The following TF variants were observed in gnomAD, a reference collection of about 807,000 sequenced individuals.
The protein encoded by TF is transferrin, also known as serotransferrin.
TF carries 55 observed loss-of-function variants against 82.4 expected under a neutral mutation model. The observed-to-expected ratio is 0.67, with a 90% CI of 0.54 to 0.84. The LOEUF (loss-of-function observed/expected upper bound fraction) is 0.84. Among genes scored for constraint, TF ranks in the 40% least tolerant of loss-of-function variants. The probability of loss-of-function intolerance (pLI) is 0.00; values close to 1 mark genes in which losing one functional copy is unlikely to be tolerated. For synonymous variants in TF, 332 were observed against 332.6 expected (o/e 1.00, Z 0.02); for missense variants, 737 against 868.4 (o/e 0.85, Z 1.90).
At chr3:133,751,271 C>T (rs1444896849) in intron 2 of TF, among the ~76,000 whole-genome samples, 3 of 137,264 alleles carry the variant, frequency 2.2e-5, no homozygotes, top group Admixed American at 8.0e-5. Flanking sequence ...TTCGCTCTGT[C>T]GCCCAGGCTG....
At position 133,793,164 on chromosome 3, in the gene TF, C is replaced by G. The variant is rs1934886566; in HGVS notation, c.*14544C>G. 6.6e-6 allele frequency: 1 copy of G among 151,824 alleles called. No homozygotes were observed. The highest frequency in any genetic ancestry group is 2.4e-5 in the African/African-American group (1 of 41,338). 9.4% of individuals were successfully genotyped at this position (151,824 alleles called of 1,614,324 possible). Reference sequence around the variant, plus strand: ...GTTTGCCTTTTGAATAAACTACCCCCCCACCAAAAAAAAGGAAGGGAAAGA... The same window carrying G: ...GTTTGCCTTTTGAATAAACTACCCCGCCACCAAAAAAAAGGAAGGGAAAGA... On this transcript the variant is annotated 3_prime_UTR_variant, in exon 17 of 17. Coordinates refer to ENST00000402696, the MANE Select transcript of TF (RefSeq NM_001063.4).
chr3:133,706,554 C>T, the TF span, among the ~76,000 whole-genome samples: 5 of 152,126 alleles, frequency 3.3e-5, no homozygotes, highest in East Asian at 9.6e-4. Flanking sequence ...AGATCTGAGT[C>T]AGAAGCTCTG....
chr3:133,754,530 A>G lies in TF; in HGVS notation c.361A>G (p.Lys121Glu), dbSNP rs1249851402. The stretch of plus-strand genomic sequence containing the variant: ...TTTCTATTATGCTGTTGCTGTGGTG[A>G]AGAAGGATAGTGGCTTCCAGATGAA... ...QTFYYAVAVVKKDSGFQMNQL... is the reference protein window; with the variant it reads ...QTFYYAVAVVEKDSGFQMNQL... Residue 121 changes from lysine to glutamate, a missense_variant, in exon 4 of 17, where the codon AAG (lysine) becomes GAG (glutamate). Physicochemically the swap from Lys to Glu is moderately conservative, Grantham distance 56. Coordinates refer to ENST00000402696, the MANE Select transcript of TF (RefSeq NM_001063.4). 2 of 1,614,218 alleles carry G rather than the reference A, an allele frequency of 1.2e-6. No individual in the cohort carries two copies. The highest frequency in any genetic ancestry group is 8.5e-7 in the Non-Finnish European group (1 of 1,180,044).
At chr3:133,671,526 G>A in the TF span, among the ~76,000 whole-genome samples, 1 of 152,034 alleles carries the variant, frequency 6.6e-6, no homozygotes, top group Admixed American at 6.6e-5. Context: ...GCTCACAGCT[G>A]TAATCTCAGC....
At chr3:133,725,888 T>G in the TF span, among the ~76,000 whole-genome samples, 3 of 152,198 alleles carry the variant, frequency 2.0e-5, no homozygotes, top group East Asian at 1.9e-4. Flanking sequence ...TTTTGTCAAA[T>G]GCCTTTTCTA....
At chr3:133,755,059 T>A (rs1221251392) in intron 4 of TF, among the ~76,000 whole-genome samples, 1 of 152,220 alleles carries the variant, frequency 6.6e-6, no homozygotes, top group Admixed American at 6.5e-5. Flanking sequence ...AGAGGGGACC[T>A]CTCTCTGAGC....
the TF span, among the ~76,000 whole-genome samples, chr3:133,697,005 TGAG>T: frequency 6.6e-6 from 1 of 152,350 alleles, no homozygotes; most frequent in South Asian, 2.1e-4. Context: ...GTCTGCTACT[TGAG>T]GAGAATTTTA....
chr3:133,688,621 A>ACAAGG, the TF span, among the ~76,000 whole-genome samples: 1 of 152,210 alleles, frequency 6.6e-6, no homozygotes, highest in Non-Finnish European at 1.5e-5. Flanking sequence ...ATCTCAGTAA[A>ACAAGG]ATACCTATGT....
At chr3:133,750,979 GT>G (rs1933647355) in intron 2 of TF, among the ~76,000 whole-genome samples, 1 of 152,058 alleles carries the variant, frequency 6.6e-6, no homozygotes, top group African/African-American at 2.4e-5. Flanking sequence ...ATAAGGTCTA[GT>G]TGTTGTGGAA....
At chr3:133,776,440 T>TA (rs1229025387) in intron 15 of TF, among the ~76,000 whole-genome samples, 17 of 151,960 alleles carry the variant, frequency 1.1e-4, no homozygotes, top group Admixed American at 2.0e-4. Flanking sequence ...TACCTTTTTT[T>TA]AAAAAAAATA....
rs1487073939 is a variant in TF, at chr3:133,795,574, T to TTA, written c.*16955_*16956insAT. On this transcript the variant is annotated 3_prime_UTR_variant, in exon 17 of 17. Coordinates refer to ENST00000402696, the MANE Select transcript of TF (RefSeq NM_001063.4). ...GAACCTGACCAAAAAAGTGGAATTT[T>TTA]TTTTTTTTTTTTTTTTTTTGAGATG... 1 of 143,156 alleles carries TTA rather than the reference T, an allele frequency of 7.0e-6. No homozygotes were observed. Among genetic ancestry groups the TTA allele is most frequent in the East Asian group, 2.0e-4 (1 of 4,940 alleles). 8.9% of individuals were successfully genotyped at this position (143,156 alleles called of 1,614,324 possible). A position where few individuals can be genotyped will look rare whatever the true frequency, so the allele number is the denominator to read the frequency against.
rs992938237 is a variant in TF at position 133,765,025 on chromosome 3, G to A, written c.1330+118G>A. On this transcript the variant is annotated intron_variant, in intron 11 of 16. Coordinates refer to ENST00000402696, the MANE Select transcript of TF (RefSeq NM_001063.4). ...TGTAAGAGACCAATTTTCACAATGC[G>A]AGAGAATCATGGAAGGATAGTAATG... 9 of 985,342 alleles carry A rather than the reference G, an allele frequency of 9.1e-6. No individual in the cohort carries two copies. The East Asian group carries it at 1.4e-4, about 16-fold the overall frequency. 61.0% of individuals were successfully genotyped at this position (985,342 alleles called of 1,614,324 possible).
chr3:133,693,309 G>A, the TF span, among the ~76,000 whole-genome samples: 2 of 152,042 alleles, frequency 1.3e-5, no homozygotes, highest in Admixed American at 1.3e-4. Context: ...GAGGGCTTGG[G>A]ACATGGGCAA....
chr3:133,662,880 G>C, the TF span, among the ~76,000 whole-genome samples: 2 of 152,076 alleles, frequency 1.3e-5, no homozygotes, highest in African/African-American at 2.4e-5. Context: ...GATTGTTTTT[G>C]TTTTTCTTTT....
chr3:133,702,242 G>A, the TF span, among the ~76,000 whole-genome samples: 2 of 144,408 alleles, frequency 1.4e-5, no homozygotes, highest in South Asian at 2.5e-4. Flanking sequence ...GGCCCCTCCA[G>A]CTCTGGGCAG....
At chr3:133,716,892 C>T in the TF span, among the ~76,000 whole-genome samples, 9 of 152,204 alleles carry the variant, frequency 5.9e-5, no homozygotes, top group African/African-American at 2.2e-4. Flanking sequence ...CTCAGGCACA[C>T]TCCTTCCCCG....
intron 3 of TF, chr3:133,754,051 A>T: frequency 2.2e-6 from 1 of 458,732 alleles, no homozygotes; most frequent in Non-Finnish European, 4.0e-6. Flanking sequence ...CTCACACAGG[A>T]GGGGTCACTC....
chr3:133,726,282 GGT>G, the TF span, among the ~76,000 whole-genome samples: 1 of 152,144 alleles, frequency 6.6e-6, no homozygotes, highest in Non-Finnish European at 1.5e-5. Flanking sequence ...GAATCCATCT[GGT>G]CCTGGACTTT....
intron 9 of TF, chr3:133,760,794 G>T: frequency 1.2e-5 from 2 of 160,894 alleles, no homozygotes; most frequent in South Asian, 3.8e-4. Context: ...TGTTCTGTGA[G>T]ACCACGTCCA....
Sources: allele counts gnomAD v4.1 joint callset (sites outside exome capture counted in the v4.1 genomes callset), GRCh38; gene constraint gnomAD v4.1.1; transcripts MANE v1.5; gene names NCBI Gene and HGNC (gene_info 2026-07-23, HGNC 2026-07-21).